Variants in ANKS1B observed in about 807,000 individuals in gnomAD.
ANKS1B encodes ankyrin repeat and sterile alpha motif domain-containing protein 1B.
A neutral mutation model predicts 148.3 loss-of-function variants in ANKS1B; 36 were observed. That is an observed-to-expected ratio of 0.24 (90% CI 0.19 to 0.32). The LOEUF is 0.32. Among genes scored for constraint, ANKS1B ranks in the 10% least tolerant of loss-of-function variants. The pLI is 1.00. For missense variants in ANKS1B, 1,157 were observed against 1,542.6 expected (o/e 0.75, Z 4.19); for synonymous variants, 542 against 560.8 (o/e 0.97, Z 0.47).
intron 14 of ANKS1B, 68 bp downstream of exon 14, chr12:99,244,274 T>C: frequency 9.3e-7 from 1 of 1,071,510 alleles, no homozygotes; most frequent in Non-Finnish European, 1.4e-6. Context: ...TATCTAAAGA[T>C]TCCTATCATT....
chr12:99,979,377 T>C (rs916766429), intron 1 of ANKS1B, among the ~76,000 whole-genome samples: 1 of 152,164 alleles, frequency 6.6e-6, no homozygotes, highest in African/African-American at 2.4e-5. Context: ...AGGAAAACTG[T>C]GGGTAGTTTT....
intron 1 of ANKS1B, among the ~76,000 whole-genome samples, chr12:99,853,171 T>C (rs1433838131): frequency 1.3e-5 from 2 of 152,088 alleles, no homozygotes; most frequent in Non-Finnish European, 2.9e-5. Context: ...TTAGGAGCGC[T>C]ATGGCCCCAC....
At chr12:99,945,118 C>T (rs948864112) in intron 1 of ANKS1B, among the ~76,000 whole-genome samples, 2 of 152,070 alleles carry the variant, frequency 1.3e-5, no homozygotes, top group African/African-American at 4.8e-5. Flanking sequence ...AGACAATAAA[C>T]AAAGACAAAG....
chr12:99,131,256 C>T (rs776917419), intron 15 of ANKS1B, among the ~76,000 whole-genome samples: 36 of 152,186 alleles, frequency 2.4e-4, no homozygotes, highest in African/African-American at 8.0e-4. Context: ...TTATCTTGCA[C>T]GAGATTTCAT....
chr12:99,347,280 GA>G (rs2090831746), intron 12 of ANKS1B, among the ~76,000 whole-genome samples: 1 of 151,986 alleles, frequency 6.6e-6, no homozygotes, highest in Non-Finnish European at 1.5e-5. Flanking sequence ...CAAAAAACTT[GA>G]GAAGAAGGCT....
chr12:99,872,781 A>G (rs534113517), intron 1 of ANKS1B, among the ~76,000 whole-genome samples: 77 of 152,160 alleles, frequency 5.1e-4, no homozygotes, highest in Non-Finnish European at 9.7e-4. Context: ...TCTTCTCTTT[A>G]TAATCTATAT....
In ANKS1B at chr12:99,088,057, T is replaced by C. The variant is rs185344763; in HGVS notation, c.2527-3034A>G. 2.6e-5 allele frequency among the ~76,000 whole-genome samples: 4 copies of C among 152,316 alleles called. No individual in the cohort carries two copies. In the East Asian group the frequency reaches 7.7e-4, roughly 29 times the overall value. ...AGCATATAGGATAATTGCCAAACATTTTTGAAAAATGAACCAAAATTATGG... is the reference window on the plus strand; with the variant it reads ...AGCATATAGGATAATTGCCAAACATCTTTGAAAAATGAACCAAAATTATGG... On this transcript the variant is annotated intron_variant, in intron 15 of 26. Coordinates refer to ENST00000683438, the MANE Select transcript of ANKS1B (RefSeq NM_001352186.2).
At chr12:99,954,261 A>G (rs1197481168) in intron 1 of ANKS1B, among the ~76,000 whole-genome samples, 2 of 152,186 alleles carry the variant, frequency 1.3e-5, no homozygotes, top group Non-Finnish European at 2.9e-5. Context: ...AAACTAATAA[A>G]TCTTCAATCC....
intron 4 of ANKS1B, among the ~76,000 whole-genome samples, chr12:99,805,263 C>CAA (rs58248573): frequency 4.8e-4 from 14 of 28,908 alleles, no homozygotes; most frequent in African/African-American, 1.3e-3. Flanking sequence ...GAGGAAAAGG[C>CAA]AAAAAAAAAA....
chr12:99,006,137 G>A (rs746653214), intron 17 of ANKS1B, among the ~76,000 whole-genome samples: 1 of 152,204 alleles, frequency 6.6e-6, no homozygotes. Context: ...CAGATAGGCT[G>A]CATGGGGCTG....
At chr12:99,786,548 C>T (rs543521268) in intron 4 of ANKS1B, among the ~76,000 whole-genome samples, 2 of 152,150 alleles carry the variant, frequency 1.3e-5, no homozygotes, top group African/African-American at 4.8e-5. Flanking sequence ...CTAACTAGGT[C>T]TTAGTTGTAG....
chr12:99,126,148 G>A (rs1384696513), intron 15 of ANKS1B, among the ~76,000 whole-genome samples: 3 of 152,146 alleles, frequency 2.0e-5, no homozygotes, highest in African/African-American at 7.2e-5. Context: ...AGACTTTATG[G>A]GCTTAATAAA....
intron 17 of ANKS1B, among the ~76,000 whole-genome samples, chr12:99,041,379 T>C (rs906164650): frequency 6.6e-6 from 1 of 152,222 alleles, no homozygotes; most frequent in Non-Finnish European, 1.5e-5. Flanking sequence ...TTTAATTTTC[T>C]AAAATAGCTG....
chr12:99,925,592 C>T (rs146025672), intron 1 of ANKS1B, among the ~76,000 whole-genome samples: 282 of 152,228 alleles, frequency 1.9e-3, no homozygotes, highest in African/African-American at 5.6e-3. Context: ...ATGCACCCTT[C>T]TTTGTCTTGC....
intron 15 of ANKS1B, among the ~76,000 whole-genome samples, chr12:99,130,515 C>T (rs760023787): frequency 3.3e-5 from 5 of 152,122 alleles, no homozygotes; most frequent in Non-Finnish European, 5.9e-5. Context: ...TTTTCTGCTG[C>T]AATATCCCGG....
At chr12:99,450,339 T>G (rs536049937) in intron 10 of ANKS1B, among the ~76,000 whole-genome samples, 1 of 152,276 alleles carries the variant, frequency 6.6e-6, no homozygotes, top group Non-Finnish European at 1.5e-5. Context: ...CAAAAACACC[T>G]TCACAGATAC....
chr12:99,632,881 G>C lies in ANKS1B; in HGVS notation c.1272+22186C>G, dbSNP rs541708924. ...CCCAGTAACTCGTCATTTACATCAG[G>C]TATATCTCCTAATGCTATCCCTCCC... On this transcript the variant is annotated intron_variant, in intron 9 of 26. Coordinates refer to ENST00000683438, the MANE Select transcript of ANKS1B (RefSeq NM_001352186.2). Among the ~76,000 whole-genome samples the C allele has an allele frequency of 7.4e-3, 1,086 of 146,342 alleles. 18 individuals are homozygous for C. Among genetic ancestry groups the C allele is most frequent in the African/African-American group, 0.026 (1,031 of 39,730 alleles).
chr12:98,936,865 A>G (rs1297866099), intron 17 of ANKS1B, among the ~76,000 whole-genome samples: 3 of 152,202 alleles, frequency 2.0e-5, no homozygotes, highest in Non-Finnish European at 2.9e-5. Context: ...CTGACTTCAC[A>G]GGGAATTGTG....
intron 9 of ANKS1B, among the ~76,000 whole-genome samples, chr12:99,565,458 G>A (rs1209506305): frequency 6.6e-6 from 1 of 152,254 alleles, no homozygotes; most frequent in East Asian, 1.9e-4. Flanking sequence ...TCTAATGGGG[G>A]AAAATGAAAA....
Sources: gnomAD v4.1 joint callset for allele counts (sites outside exome capture counted in the v4.1 genomes callset) on GRCh38, gnomAD v4.1.1 for gene constraint, MANE v1.5 for transcripts, NCBI Gene and HGNC (gene_info 2026-07-23, HGNC 2026-07-21) for gene names.